KLHL1: variants seen among roughly 807,000 people sequenced by gnomAD.
KLHL1 encodes kelch-like protein 1.
KLHL1 carries 47 observed loss-of-function variants against 77.7 expected under a neutral mutation model. The ratio of observed to expected loss-of-function variants is 0.60; its 90% CI spans 0.48 to 0.77. KLHL1 has a LOEUF of 0.77. Ranked by LOEUF, KLHL1 falls within the 30% of genes least tolerant of loss-of-function variation. The pLI, the probability that KLHL1 is intolerant of heterozygous loss-of-function variation, is 0.00. For missense variants in KLHL1, 925 were observed against 910.8 expected (o/e 1.02, Z -0.20); for synonymous variants, 360 against 325.2 (o/e 1.11, Z -1.15).
At chr13:69,768,325 C>A (rs925815186) in intron 7 of KLHL1, among the ~76,000 whole-genome samples, 1 of 151,984 alleles carries the variant, frequency 6.6e-6, no homozygotes, top group African/African-American at 2.4e-5. Flanking sequence ...TTTTAAATAT[C>A]TGAAATTATT....
chr13:69,824,288 GATTT>G (rs1436191407), intron 6 of KLHL1, among the ~76,000 whole-genome samples: 2 of 151,946 alleles, frequency 1.3e-5, no homozygotes, highest in Admixed American at 6.6e-5. Context: ...AAAGCAAATA[GATTT>G]ATTAATAAAT....
chr13:70,056,381 A>G (rs1886745519), intron 1 of KLHL1, among the ~76,000 whole-genome samples: 1 of 152,152 alleles, frequency 6.6e-6, no homozygotes, highest in Non-Finnish European at 1.5e-5. Context: ...ACCCCAATAT[A>G]ATAATAGCTG....
At chr13:69,998,458 T>G (rs1259872188) in intron 1 of KLHL1, among the ~76,000 whole-genome samples, 2 of 152,070 alleles carry the variant, frequency 1.3e-5, no homozygotes, top group African/African-American at 4.8e-5. Flanking sequence ...GTGACCCCAT[T>G]AACTGACTAT....
At chr13:69,970,442 T>A (rs1471524708) in intron 2 of KLHL1, among the ~76,000 whole-genome samples, 1 of 152,124 alleles carries the variant, frequency 6.6e-6, no homozygotes, top group Non-Finnish European at 1.5e-5. Flanking sequence ...TCCATCTTTC[T>A]CTTTGAATGT....
chr13:70,086,117 A>C (rs1887530080), intron 1 of KLHL1, among the ~76,000 whole-genome samples: 1 of 152,164 alleles, frequency 6.6e-6, no homozygotes, highest in Non-Finnish European at 1.5e-5. Context: ...GAATCTCCAC[A>C]TACTGAGAGG....
intron 3 of KLHL1, among the ~76,000 whole-genome samples, chr13:69,954,800 T>TACACACACACACACACACACAC (rs34668618): frequency 1.3e-5 from 2 of 149,466 alleles, no homozygotes; most frequent in African/African-American, 4.9e-5. Flanking sequence ...CTAAATGTTT[T>TACACACACACACACACACACAC]ACACACACAC....
chr13:70,075,432 A>C (rs66495562), intron 1 of KLHL1, among the ~76,000 whole-genome samples: 25,820 of 150,694 alleles, frequency 0.17, 2,756 homozygotes, highest in African/African-American at 0.28. Context: ...AAATTCCCAC[A>C]AAATTTTATT....
chr13:69,952,788 G>C (rs1373301954), intron 3 of KLHL1, among the ~76,000 whole-genome samples: 2 of 151,234 alleles, frequency 1.3e-5, no homozygotes, highest in African/African-American at 4.8e-5. Context: ...ATGGGAAAAT[G>C]GACTCTTCAT....
chr13:69,934,944 CCGT>C (rs1883120484), intron 4 of KLHL1, among the ~76,000 whole-genome samples: 2 of 85,938 alleles, frequency 2.3e-5, no homozygotes, highest in African/African-American at 8.1e-5. Flanking sequence ...GTAAAATTTA[CCGT>C]GTGTGTGTGC....
intron 4 of KLHL1, among the ~76,000 whole-genome samples, chr13:69,939,346 T>TATATATATATATATAC (rs1883283946): frequency 2.8e-5 from 1 of 35,572 alleles, no homozygotes; most frequent in Admixed American, 2.3e-4. Context: ...CATACATATA[T>TATATATATATATATAC]ATATATATAT....
At chr13:70,011,653 T>A (rs905593284) in intron 1 of KLHL1, among the ~76,000 whole-genome samples, 1 of 152,196 alleles carries the variant, frequency 6.6e-6, no homozygotes, top group African/African-American at 2.4e-5. Flanking sequence ...GTTTTACAGA[T>A]GCAGACACCC....
chr13:70,090,699 A>G (rs1933338381), intron 1 of KLHL1, among the ~76,000 whole-genome samples: 1 of 152,080 alleles, frequency 6.6e-6, no homozygotes, highest in African/African-American at 2.4e-5. Context: ...TGCACCATGG[A>G]TAGTATTATA....
chr13:69,736,037 G>A (rs1228135239), intron 8 of KLHL1, among the ~76,000 whole-genome samples: 1 of 152,010 alleles, frequency 6.6e-6, no homozygotes, highest in Non-Finnish European at 1.5e-5. Context: ...ATAAATAAAT[G>A]GGACTTAATT....
intron 1 of KLHL1, among the ~76,000 whole-genome samples, chr13:70,045,282 C>T (rs1566528417): frequency 6.6e-6 from 1 of 152,050 alleles, no homozygotes; most frequent in Non-Finnish European, 1.5e-5. Context: ...CAAATACATC[C>T]TTTTTTGCTT....
chr13:69,746,464 T>C (rs1268544716), intron 7 of KLHL1, among the ~76,000 whole-genome samples: 1 of 152,052 alleles, frequency 6.6e-6, no homozygotes, highest in South Asian at 2.1e-4. Flanking sequence ...CTGATTTATC[T>C]AATTAATCAG....
chr13:69,847,016 TTC>T (rs932467131), intron 5 of KLHL1, among the ~76,000 whole-genome samples: 1 of 151,486 alleles, frequency 6.6e-6, no homozygotes, highest in African/African-American at 2.4e-5. Flanking sequence ...AAAAATTGTC[TTC>T]TTTCTGTAAA....
In KLHL1 at chr13:69,782,383, G is replaced by A. The variant is rs547734808; in HGVS notation, c.1639+14355C>T. Among the ~76,000 whole-genome samples the A allele has an allele frequency of 9.5e-4, 144 of 152,342 alleles. 1 individual carries two copies. The highest frequency in any genetic ancestry group is 3.0e-3 in the African/African-American group (125 of 41,582). On this transcript the variant is annotated intron_variant, in intron 7 of 10. Transcript: ENST00000377844. ...CAAGGCATTGCCTCACTCGGGAAGC[G>A]CAAGGGGTCAGGGAGTTCCCTTTCC... is the stretch of plus-strand genomic sequence containing the variant.
intron 1 of KLHL1, among the ~76,000 whole-genome samples, chr13:70,024,195 T>G (rs989628962): frequency 5.9e-5 from 9 of 151,924 alleles, no homozygotes; most frequent in African/African-American, 2.2e-4. Context: ...GCTTATTTAG[T>G]ATATGGAAAA....
intron 4 of KLHL1, among the ~76,000 whole-genome samples, chr13:69,905,711 A>G (rs1882025029): frequency 6.6e-6 from 1 of 152,046 alleles, no homozygotes; most frequent in African/African-American, 2.4e-5. Context: ...TAATATCATT[A>G]TTTCCTTTTT....
Sources: allele counts gnomAD v4.1 joint callset (sites outside exome capture counted in the v4.1 genomes callset), GRCh38; gene constraint gnomAD v4.1.1; transcripts MANE v1.5; gene names NCBI Gene and HGNC (gene_info 2026-07-23, HGNC 2026-07-21).